Variants in PTBP3 observed in about 807,000 individuals in gnomAD.
The protein encoded by PTBP3 is polypyrimidine tract-binding protein 3.
In PTBP3, 20 loss-of-function variants were observed where a neutral mutation model predicts 58.7. The ratio of observed to expected loss-of-function variants is 0.34; its 90% CI spans 0.24 to 0.50. The LOEUF (loss-of-function observed/expected upper bound fraction) is 0.50. Among genes scored for constraint, PTBP3 ranks in the 20% least tolerant of loss-of-function variants. The probability of loss-of-function intolerance (pLI) is 0.98; values close to 1 mark genes in which losing one functional copy is unlikely to be tolerated. For missense variants in PTBP3, 509 were observed against 637.2 expected, an observed-to-expected ratio of 0.80 and a Z score of 2.17; for synonymous variants, 185 against 219.8, an observed-to-expected ratio of 0.84 and a Z score of 1.40.
At chr9:112,249,852 C>T (rs1305868868) in intron 7 of PTBP3, among the ~76,000 whole-genome samples, 3 of 149,928 alleles carry the variant, frequency 2.0e-5, no homozygotes, top group African/African-American at 7.4e-5. Context: ...ATATTTCTAT[C>T]ATTTGTTATT....
At chr9:112,283,764 G>A (rs1172484271) in intron 2 of PTBP3, among the ~76,000 whole-genome samples, 1 of 152,230 alleles carries the variant, frequency 6.6e-6, no homozygotes, top group Admixed American at 6.5e-5. Flanking sequence ...CAGACCTGGA[G>A]GCCTAAGAGA....
chr9:112,220,987 A>G lies in PTBP3; in HGVS notation c.*2864T>C, dbSNP rs764617489. On this transcript the variant is annotated 3_prime_UTR_variant, in exon 14 of 14. Coordinates refer to ENST00000374257, the MANE Select transcript of PTBP3 (RefSeq NM_001163788.4). The stretch of plus-strand genomic sequence containing the variant: ...GATACACAGATCTAGTTTTTCCACC[A>G]TCCTGATATTTTTTAATCTTTTTTT... 4.1e-6 allele frequency: 4 copies of G among 971,078 alleles called. No homozygotes were observed. Among genetic ancestry groups the G allele is most frequent in the South Asian group, 9.5e-5 (2 of 20,980 alleles). 60.2% of individuals were successfully genotyped at this position (971,078 alleles called of 1,614,324 possible). A position where few individuals can be genotyped will look rare whatever the true frequency, so the allele number is the denominator to read the frequency against.
At chr9:112,271,642 C>A (rs958582486) in intron 3 of PTBP3, among the ~76,000 whole-genome samples, 1 of 152,094 alleles carries the variant, frequency 6.6e-6, no homozygotes, top group Non-Finnish European at 1.5e-5. Context: ...AGCAGTATCA[C>A]TTGAACCTGG....
chr9:112,370,732 T>C, the PTBP3 span, among the ~76,000 whole-genome samples: 3 of 152,246 alleles, frequency 2.0e-5, no homozygotes, highest in Admixed American at 1.3e-4. Context: ...AGTATTGTAA[T>C]TTGACAATTT....
At chr9:112,253,137 T>C (rs1452308009) in intron 5 of PTBP3, among the ~76,000 whole-genome samples, 1 of 152,234 alleles carries the variant, frequency 6.6e-6, no homozygotes, top group Non-Finnish European at 1.5e-5. Flanking sequence ...AAGAATCATC[T>C]ACTTTTTGAG....
the PTBP3 span, among the ~76,000 whole-genome samples, chr9:112,363,516 T>TCACTCA: frequency 7.4e-6 from 1 of 134,776 alleles, no homozygotes; most frequent in African/African-American, 2.8e-5. Context: ...AGCAAAACTG[T>TCACTCA]CACACACACA....
chr9:112,361,263 A>AT, the PTBP3 span, among the ~76,000 whole-genome samples: 5 of 151,756 alleles, frequency 3.3e-5, no homozygotes, highest in Non-Finnish European at 7.4e-5. Flanking sequence ...TACCTGGATA[A>AT]TTTTTTTGTA....
chr9:112,306,593 T>C (rs1176013142), intron 1 of PTBP3, among the ~76,000 whole-genome samples: 2 of 103,998 alleles, frequency 1.9e-5, no homozygotes, highest in Non-Finnish European at 3.8e-5. Flanking sequence ...TTTGTATATA[T>C]ATATATATAT....
intron 5 of PTBP3, among the ~76,000 whole-genome samples, chr9:112,262,170 A>G (rs887651505): frequency 2.0e-5 from 3 of 152,116 alleles, no homozygotes; most frequent in Non-Finnish European, 4.4e-5. Context: ...ACTTTTCACA[A>G]TATTCTATGC....
chr9:112,326,435 A>C (rs374645782), intron 1 of PTBP3, among the ~76,000 whole-genome samples: 2 of 152,230 alleles, frequency 1.3e-5, no homozygotes, highest in East Asian at 1.9e-4. Flanking sequence ...AAAACTACAA[A>C]AACAGGTGGC....
intron 2 of PTBP3, among the ~76,000 whole-genome samples, chr9:112,280,726 AT>A (rs1376631826): frequency 2.7e-5 from 4 of 150,106 alleles, no homozygotes; most frequent in African/African-American, 4.9e-5. Flanking sequence ...ATGTACCATG[AT>A]TTTTTTCCTC....
Position 112,306,601 on chromosome 9 carries a change from TATATTTTTG to T in PTBP3, c.-51-8694_-51-8686del, listed in dbSNP as rs1564450845. 2.8e-4 allele frequency among the ~76,000 whole-genome samples: 27 copies of T among 94,792 alleles called. No homozygotes were observed. The South Asian group carries it at 0.01, about 36-fold the overall frequency. The allele number at this position is 94,792 out of a possible 152,430, so 62.2% of individuals were successfully genotyped here. A position where few individuals can be genotyped will look rare whatever the true frequency, so the allele number is the denominator to read the frequency against. The stretch of plus-strand genomic sequence containing the variant: ...ATTTAAATTTGTATATATATATATA[TATATTTTTG>T]TTTGTTTGTTTGTTTGTTTGTTTTG... On this transcript the variant is annotated intron_variant, in intron 1 of 13. Transcript: ENST00000374257.
chr9:112,318,120 A>C (rs2132424414), intron 1 of PTBP3, among the ~76,000 whole-genome samples: 1 of 152,296 alleles, frequency 6.6e-6, no homozygotes, highest in African/African-American at 2.4e-5. Flanking sequence ...ATCTAAGAAA[A>C]ACCTACAGCT....
At chr9:112,295,245 G>GAAAA (rs200186001) in intron 2 of PTBP3, among the ~76,000 whole-genome samples, 1 of 118,514 alleles carries the variant, frequency 8.4e-6, no homozygotes, top group East Asian at 2.4e-4. Flanking sequence ...AGTCTCAAAA[G>GAAAA]AAAAAAAAAA....
At chr9:112,365,610 CAGTAAATT>C in the PTBP3 span, among the ~76,000 whole-genome samples, 1 of 152,154 alleles carries the variant, frequency 6.6e-6, no homozygotes, top group African/African-American at 2.4e-5. Context: ...TGGACTAATA[CAGTAAATT>C]AGTACCAGTG....
the PTBP3 span, among the ~76,000 whole-genome samples, chr9:112,341,337 G>A: frequency 1.3e-5 from 2 of 152,072 alleles, no homozygotes; most frequent in African/African-American, 2.4e-5. Flanking sequence ...TCACCATGTT[G>A]GCCAGGCTAG....
At chr9:112,362,917 C>T in the PTBP3 span, 1 of 292,644 alleles carries the variant, frequency 3.4e-6, no homozygotes, top group Non-Finnish European at 6.6e-6. Context: ...AAAGCACATG[C>T]TGCCCAGCGG....
At chr9:112,372,059 A>C in the PTBP3 span, among the ~76,000 whole-genome samples, 52 of 151,764 alleles carry the variant, frequency 3.4e-4, no homozygotes, top group South Asian at 8.3e-4. Context: ...TCTGTTAAAA[A>C]TTTTTCTTCC....
At position 112,220,346 on chromosome 9, in the gene PTBP3, C is replaced by T; in HGVS notation, c.*3505G>A. 1.6e-6 allele frequency: 2 copies of T among 1,284,632 alleles called. No homozygotes were observed. Among genetic ancestry groups the T allele is most frequent in the Non-Finnish European group, 2.0e-6 (2 of 985,176 alleles). 79.6% of individuals were successfully genotyped at this position (1,284,632 alleles called of 1,614,324 possible). A position where few individuals can be genotyped will look rare whatever the true frequency, so the allele number is the denominator to read the frequency against. Reference sequence around the variant, plus strand: ...TGTGGGGAGGTGGAAGCAGGAGAATCACTTGAGCCCAGGAGTTGGCGAGAC... The same window carrying T: ...TGTGGGGAGGTGGAAGCAGGAGAATTACTTGAGCCCAGGAGTTGGCGAGAC... On this transcript the variant is annotated 3_prime_UTR_variant, in exon 14 of 14. Transcript: ENST00000374257.
Sources: allele counts gnomAD v4.1 joint callset (sites outside exome capture counted in the v4.1 genomes callset), GRCh38; gene constraint gnomAD v4.1.1; transcripts MANE v1.5; gene names NCBI Gene and HGNC (gene_info 2026-07-23, HGNC 2026-07-21).